The following COBLL1 variants were observed in gnomAD, a reference collection of about 807,000 sequenced individuals.
COBLL1 encodes the protein cordon-bleu protein-like 1.
COBLL1 carries 50 observed loss-of-function variants against 94.8 expected under a neutral mutation model. The observed-to-expected ratio is 0.53, with a 90% CI of 0.42 to 0.67. The LOEUF is 0.67. Among genes scored for constraint, COBLL1 ranks in the 30% least tolerant of loss-of-function variants. The pLI is 0.00. For missense variants in COBLL1, 1,362 were observed against 1,348.7 expected, an observed-to-expected ratio of 1.01 and a Z score of -0.15; for synonymous variants, 448 against 473.8, an observed-to-expected ratio of 0.95 and a Z score of 0.71.
chr2:164,721,108 T>G (rs1363400730), intron 7 of COBLL1, among the ~76,000 whole-genome samples: 5 of 152,226 alleles, frequency 3.3e-5, no homozygotes, highest in Admixed American at 3.3e-4. Flanking sequence ...TGGTTAATTT[T>G]TTTTAAGTAA....
intron 1 of COBLL1, chr2:164,665,918 T>C (rs1691152203): frequency 1.3e-5 from 2 of 152,194 alleles, no homozygotes; most frequent in South Asian, 4.1e-4. Flanking sequence ...AGAAAACAGA[T>C]TGACAGTGCT....
chr2:164,670,775 G>A (rs1558903751), intron 1 of COBLL1, among the ~76,000 whole-genome samples: 1 of 152,188 alleles, frequency 6.6e-6, no homozygotes, highest in African/African-American at 2.4e-5. Context: ...AGGCCAAATG[G>A]AAGCAGAAAC....
chr2:164,725,102 A>ATATATATATATATATT (rs1685649281), intron 5 of COBLL1: 1 of 44,132 alleles, frequency 2.3e-5, no homozygotes, highest in Non-Finnish European at 4.4e-5. Flanking sequence ...ACCCTGCAGG[A>ATATATATATATATATT]TATATATATA....
chr2:164,715,591 A>G (rs934796715), intron 7 of COBLL1, among the ~76,000 whole-genome samples: 7 of 152,138 alleles, frequency 4.6e-5, no homozygotes, highest in African/African-American at 7.2e-5. Flanking sequence ...ATATGACAAT[A>G]CATCATCTTA....
rs531518206 is a variant in COBLL1, at chr2:164,776,221, TTC to T, written c.42-32348_42-32347del. Among the ~76,000 whole-genome samples the T allele has an allele frequency of 1.9e-4, 29 of 152,122 alleles. No individual in the cohort carries two copies. In the East Asian group the frequency reaches 5.1e-3, roughly 27 times the overall value. On this transcript the variant is annotated intron_variant, in intron 2 of 13. Coordinates refer to ENST00000652658, the MANE Select transcript of COBLL1 (RefSeq NM_001365672.2). ...TCTTAAAATGTAAACTATCAATTCA[TTC>T]TCTGTTTTAAATCTTCCAAACGCTT... is the stretch of plus-strand genomic sequence containing the variant.
At chr2:164,842,017 A>T, upstream of COBLL1, 1 of 1,539,506 alleles carries the variant, frequency 6.5e-7, no homozygotes, top group Non-Finnish European at 8.7e-7. Context: ...GCACGGCCGC[A>T]CATAAGTGGG....
intron 2 of COBLL1, among the ~76,000 whole-genome samples, chr2:164,787,059 T>G (rs751919635): frequency 6.6e-6 from 1 of 152,128 alleles, no homozygotes; most frequent in Non-Finnish European, 1.5e-5. Flanking sequence ...ACCATCCATG[T>G]CTATCACTTT....
At position 164,665,461 on chromosome 2, in the gene COBLL1, GT is replaced by G. The variant is rs376785713; in HGVS notation, n.181+385del. ...AAGAGTAACGTAAGTGTCTACTGTAGTTTAAAAAAAAAAAAAGACATGGCAT... is the reference window on the plus strand; with the variant it reads ...AAGAGTAACGTAAGTGTCTACTGTAGTTAAAAAAAAAAAAAGACATGGCAT... On this transcript the variant is annotated intron_variant and non_coding_transcript_variant, in intron 2 of 2. Transcript: ENST00000495084. Among the ~76,000 whole-genome samples, 1,272 of 149,178 alleles carry G rather than the reference GT, an allele frequency of 8.5e-3. 8 individuals are homozygous for G. Among genetic ancestry groups the G allele is most frequent in the African/African-American group, 0.022 (891 of 40,532 alleles).
intron 2 of COBLL1, among the ~76,000 whole-genome samples, chr2:164,809,118 T>C (rs928891186): frequency 6.6e-6 from 1 of 152,104 alleles, no homozygotes; most frequent in Non-Finnish European, 1.5e-5. Flanking sequence ...AGAGGATAAA[T>C]TGTCATTTAA....
At chr2:164,771,148 AC>A (rs1025491280) in intron 2 of COBLL1, among the ~76,000 whole-genome samples, 7 of 152,158 alleles carry the variant, frequency 4.6e-5, no homozygotes, top group African/African-American at 1.7e-4. Flanking sequence ...ATTCTATGTC[AC>A]TGAGAGATCA....
intron 2 of COBLL1, among the ~76,000 whole-genome samples, chr2:164,806,660 A>AT (rs1432291431): frequency 1.3e-5 from 2 of 152,052 alleles, no homozygotes; most frequent in Non-Finnish European, 2.9e-5. Flanking sequence ...TCATTCTATT[A>AT]TTGATAGATC....
chr2:164,781,629 C>T (rs1283002569), intron 2 of COBLL1, among the ~76,000 whole-genome samples: 1 of 152,126 alleles, frequency 6.6e-6, no homozygotes, highest in Non-Finnish European at 1.5e-5. Flanking sequence ...GGCAGTAGTA[C>T]ACCTTGGAGG....
intron 4 of COBLL1, among the ~76,000 whole-genome samples, chr2:164,729,052 T>C (rs1220376407): frequency 6.6e-6 from 1 of 151,836 alleles, no homozygotes; most frequent in African/African-American, 2.4e-5. Flanking sequence ...AGCAGGGATA[T>C]GTAATAAACA....
At chr2:164,777,465 C>G (rs1688522708) in intron 2 of COBLL1, among the ~76,000 whole-genome samples, 1 of 152,030 alleles carries the variant, frequency 6.6e-6, no homozygotes, top group African/African-American at 2.4e-5. Context: ...CTAAGCGTCT[C>G]CTGAAACGTT....
chr2:164,741,460 T>A (rs1347394190), intron 3 of COBLL1, among the ~76,000 whole-genome samples: 1 of 151,668 alleles, frequency 6.6e-6, no homozygotes, highest in African/African-American at 2.4e-5. Flanking sequence ...CAGAGAGGCA[T>A]TTTAGATTAA....
At chr2:164,714,446 G>T (rs1322819408) in intron 7 of COBLL1, among the ~76,000 whole-genome samples, 1 of 151,848 alleles carries the variant, frequency 6.6e-6, no homozygotes, top group Admixed American at 6.6e-5. Context: ...ACAGGGAATG[G>T]TGGTAACCAT....
chr2:164,714,370 G>A (rs1685058288), intron 7 of COBLL1, among the ~76,000 whole-genome samples: 3 of 114,406 alleles, frequency 2.6e-5, no homozygotes, highest in African/African-American at 9.7e-5. Flanking sequence ...CATCTTGGAT[G>A]AAAAAAAAAA....
At chr2:164,782,381 A>T (rs1351325193) in intron 2 of COBLL1, among the ~76,000 whole-genome samples, 2 of 152,244 alleles carry the variant, frequency 1.3e-5, no homozygotes, top group East Asian at 1.9e-4. Flanking sequence ...TTAGTCTAAC[A>T]AACCGAATAG....
rs113702130 is a variant in COBLL1, at chr2:164,841,168, T to C, written c.29A>G (p.Asp10Gly). Residue 10 changes from aspartate to glycine, a missense_variant, in exon 2 of 14, where the codon GAC (aspartate) becomes GGC (glycine). Asp to Gly is a moderately conservative substitution (Grantham distance 94, BLOSUM62 -1). Transcript: ENST00000652658. This position sits in a 1 kb window ranked among gnomAD's most constrained non-coding sequence, Gnocchi z 5.5. The stretch of plus-strand genomic sequence containing the variant: ...GCTCTGGGCTTACCTGGCTGGGGCG[T>C]CCTGCGGGCGCGGGGTTCGGCCGTC... MDGRTPRPQ[D>G]APARRKPKAK... is the part of the protein sequence containing the mutation. 979 of 1,231,294 alleles carry C rather than the reference T, an allele frequency of 8.0e-4. 4 individuals carry two copies. Among genetic ancestry groups the C allele is most frequent in the Middle Eastern group, 3.7e-3 (12 of 3,240 alleles). The allele number at this position is 1,231,294 out of a possible 1,614,324, so 76.3% of individuals were successfully genotyped here.
Sources: gnomAD v4.1 joint callset for allele counts (sites outside exome capture counted in the v4.1 genomes callset) on GRCh38, gnomAD v4.1.1 for gene constraint, Gnocchi (gnomAD v3.1) non-coding constraint, MANE v1.5 for transcripts, NCBI Gene and HGNC (gene_info 2026-07-23, HGNC 2026-07-21) for gene names.